The following LRP1B variants were observed in gnomAD, a reference collection of about 807,000 sequenced individuals.
LRP1B encodes the protein LDL receptor related protein 1B.
LRP1B carries 217 observed loss-of-function variants against 556.6 expected under a neutral mutation model. The observed-to-expected ratio is 0.39, with a 90% CI of 0.35 to 0.44. The LOEUF is 0.44. Ranked by LOEUF, LRP1B falls within the 20% of genes least tolerant of loss-of-function variation. The pLI is 1.00. For synonymous variants in LRP1B, 2,047 were observed against 1,865.8 expected (o/e 1.10, Z -2.50); for missense variants, 5,053 against 5,620.8 (o/e 0.90, Z 3.23).
At chr2:140,339,784 G>A (rs902422148) in intron 77 of LRP1B, among the ~76,000 whole-genome samples, 6 of 151,424 alleles carry the variant, frequency 4.0e-5, no homozygotes, top group Non-Finnish European at 5.9e-5. Flanking sequence ...TACAGCAGTG[G>A]AGAAATCCTA....
chr2:140,801,435 C>T (rs1690507383), intron 32 of LRP1B, among the ~76,000 whole-genome samples: 1 of 152,066 alleles, frequency 6.6e-6, no homozygotes, highest in Non-Finnish European at 1.5e-5. Context: ...GGATGTAGTG[C>T]ACATGACTGA....
intron 41 of LRP1B, among the ~76,000 whole-genome samples, chr2:140,667,814 TAC>T (rs954417099): frequency 2.6e-5 from 4 of 152,250 alleles, no homozygotes; most frequent in African/African-American, 9.6e-5. Context: ...TGCCTTATTT[TAC>T]AGTTATTTAC....
intron 9 of LRP1B, among the ~76,000 whole-genome samples, chr2:141,056,833 CT>C (rs1344271055): frequency 2.0e-4 from 31 of 151,906 alleles, no homozygotes; most frequent in African/African-American, 7.0e-4. Flanking sequence ...TAAATATACC[CT>C]TGATATTTTC....
intron 6 of LRP1B, among the ~76,000 whole-genome samples, chr2:141,214,019 G>A (rs889144518): frequency 2.0e-5 from 3 of 151,740 alleles, no homozygotes; most frequent in Admixed American, 2.0e-4. Context: ...GTTTTTACTT[G>A]TATTATTTTT....
At chr2:140,390,543 T>TG (rs1216334546) in intron 66 of LRP1B, among the ~76,000 whole-genome samples, 1 of 149,136 alleles carries the variant, frequency 6.7e-6, no homozygotes, top group African/African-American at 2.4e-5. Flanking sequence ...GGACAGGCAT[T>TG]GAAAAAAAGC....
At chr2:140,515,088 G>A (rs539289246) in intron 50 of LRP1B, among the ~76,000 whole-genome samples, 35 of 152,080 alleles carry the variant, frequency 2.3e-4, no homozygotes, top group African/African-American at 8.4e-4. Context: ...GTAATGCATA[G>A]ATATAAAATA....
chr2:141,425,856 C>T (rs1476299812), intron 3 of LRP1B, among the ~76,000 whole-genome samples: 3 of 150,386 alleles, frequency 2.0e-5, no homozygotes, highest in Non-Finnish European at 4.4e-5. Context: ...AAATTTTTCT[C>T]CCATTTTGTA....
chr2:141,453,413 A>G (rs1467568875), intron 3 of LRP1B, among the ~76,000 whole-genome samples: 1 of 152,092 alleles, frequency 6.6e-6, no homozygotes, highest in African/African-American at 2.4e-5. Context: ...CTTCTCAACT[A>G]AAATTAGTTT....
chr2:141,685,295 T>C lies in LRP1B; in HGVS notation c.205+124984A>G, dbSNP rs553021125. ...GATTCTCAATTATACTTGAATTATA[T>C]GATTTAGATGATTATATTTGGGACT... On this transcript the variant is annotated intron_variant, in intron 2 of 90. Coordinates refer to ENST00000389484, the MANE Select transcript of LRP1B (RefSeq NM_018557.3). Among the ~76,000 whole-genome samples, 83 of 152,208 alleles carry C rather than the reference T, an allele frequency of 5.5e-4. 1 individual carries two copies. The highest frequency in any genetic ancestry group is 4.1e-3 in the South Asian group (20 of 4,834).
chr2:141,838,856 T>A (rs1697376251), intron 1 of LRP1B, among the ~76,000 whole-genome samples: 1 of 152,158 alleles, frequency 6.6e-6, no homozygotes, highest in Non-Finnish European at 1.5e-5. Context: ...GTATTTGCTT[T>A]TTCCCTTCTC....
At chr2:141,334,496 A>G (rs2105501559) in intron 3 of LRP1B, among the ~76,000 whole-genome samples, 2 of 152,332 alleles carry the variant, frequency 1.3e-5, no homozygotes, top group South Asian at 4.1e-4. Context: ...TTTATAAATT[A>G]TCCACTTTCA....
intron 1 of LRP1B, among the ~76,000 whole-genome samples, chr2:142,023,202 C>A (rs1378620411): frequency 1.3e-5 from 2 of 152,104 alleles, no homozygotes; most frequent in Non-Finnish European, 2.9e-5. Context: ...GTGTGCCTAC[C>A]CTTGCCCAAA....
At chr2:141,102,957 T>C (rs1259870681) in intron 7 of LRP1B, among the ~76,000 whole-genome samples, 1 of 152,130 alleles carries the variant, frequency 6.6e-6, no homozygotes, top group African/African-American at 2.4e-5. Context: ...CCATTTCTGT[T>C]AATAACAAGA....
Position 141,623,994 on chromosome 2 carries a change from C to T in LRP1B, c.206-143461G>A, listed in dbSNP as rs188303070. 6.5e-3 allele frequency among the ~76,000 whole-genome samples: 647 copies of T among 98,954 alleles called. 10 individuals are homozygous for T. The highest frequency in any genetic ancestry group is 0.025 in the African/African-American group (623 of 24,968). 64.9% of individuals were successfully genotyped at this position (98,954 alleles called of 152,430 possible). A position where few individuals can be genotyped will look rare whatever the true frequency, so the allele number is the denominator to read the frequency against. ...CGCACCACCGCACTCTAGTTCTGGG[C>T]AACAGAGCAGAACTCCAACTCAAAA... On this transcript the variant is annotated intron_variant, in intron 2 of 90. Transcript: ENST00000389484.
intron 43 of LRP1B, among the ~76,000 whole-genome samples, chr2:140,566,882 G>A (rs1034396442): frequency 6.6e-5 from 10 of 152,164 alleles, no homozygotes; most frequent in African/African-American, 2.4e-4. Flanking sequence ...CAGTGATCAT[G>A]CACAATACTT....
chr2:140,796,624 G>A (rs1481576402), intron 32 of LRP1B, among the ~76,000 whole-genome samples: 3 of 152,042 alleles, frequency 2.0e-5, no homozygotes, highest in South Asian at 2.1e-4. Context: ...ATGGCAATTA[G>A]AAGACTGATG....
At chr2:140,414,817 A>G (rs993861489) in intron 66 of LRP1B, among the ~76,000 whole-genome samples, 4 of 152,202 alleles carry the variant, frequency 2.6e-5, no homozygotes, top group African/African-American at 7.2e-5. Context: ...ACAGAATAAC[A>G]GCGATCTTTA....
chr2:141,057,355 T>C (rs192879966), intron 9 of LRP1B, among the ~76,000 whole-genome samples: 159 of 151,990 alleles, frequency 1.0e-3, no homozygotes, highest in African/African-American at 3.7e-3. Context: ...GACACACAGG[T>C]ATTCTTGCCA....
chr2:141,922,956 G>T (rs1214329086), intron 1 of LRP1B, among the ~76,000 whole-genome samples: 1 of 151,688 alleles, frequency 6.6e-6, no homozygotes. Context: ...AAAATTATCT[G>T]GGCGTAGTGG....
Sources: allele counts gnomAD v4.1 joint callset (sites outside exome capture counted in the v4.1 genomes callset), GRCh38; gene constraint gnomAD v4.1.1; transcripts MANE v1.5; gene names NCBI Gene and HGNC (gene_info 2026-07-23, HGNC 2026-07-21).